SSBP2: variants seen among roughly 807,000 people sequenced by gnomAD.
SSBP2 encodes the protein single stranded DNA binding protein 2, also known as single-stranded DNA-binding protein 2.
In SSBP2, 17 loss-of-function variants were observed where a neutral mutation model predicts 61.8. The ratio of observed to expected loss-of-function variants is 0.28; its 90% CI spans 0.19 to 0.41. The LOEUF (loss-of-function observed/expected upper bound fraction) is 0.41, where lower values mean the gene tolerates loss of function less well. Among genes scored for constraint, SSBP2 ranks in the 10% least tolerant of loss-of-function variants. The pLI is 1.00. For missense variants in SSBP2, 310 were observed against 458.7 expected, an observed-to-expected ratio of 0.68 and a Z score of 2.96; for synonymous variants, 139 against 141.3, an observed-to-expected ratio of 0.98 and a Z score of 0.12.
At chr5:81,501,270 C>CAT (rs1767732456) in intron 5 of SSBP2, among the ~76,000 whole-genome samples, 2 of 37,402 alleles carry the variant, frequency 5.3e-5, no homozygotes, top group Non-Finnish European at 1.0e-4. Flanking sequence ...TATATATATA[C>CAT]ACACACACAC....
At chr5:81,678,586 T>C (rs1752162499) in intron 1 of SSBP2, among the ~76,000 whole-genome samples, 1 of 151,756 alleles carries the variant, frequency 6.6e-6, no homozygotes, top group African/African-American at 2.4e-5. Context: ...ACACCAAGCA[T>C]GATAAAGGAC....
chr5:81,724,856 T>C (rs139337257), intron 1 of SSBP2, among the ~76,000 whole-genome samples: 2 of 152,184 alleles, frequency 1.3e-5, no homozygotes, highest in African/African-American at 4.8e-5. Flanking sequence ...AATAACAAAT[T>C]ATAACAACAT....
At chr5:81,614,709 C>G (rs987649164) in intron 4 of SSBP2, among the ~76,000 whole-genome samples, 1 of 152,154 alleles carries the variant, frequency 6.6e-6, no homozygotes, top group Non-Finnish European at 1.5e-5. Flanking sequence ...TGATTTCCTC[C>G]ATCTTAAACT....
At chr5:81,577,207 GGTA>G (rs1213675709) in intron 4 of SSBP2, among the ~76,000 whole-genome samples, 2 of 151,870 alleles carry the variant, frequency 1.3e-5, no homozygotes, top group Admixed American at 1.3e-4. Context: ...AGAGTTTAAC[GGTA>G]GTATTTTTAT....
chr5:81,439,508 C>T (rs56372498), intron 14 of SSBP2, among the ~76,000 whole-genome samples: 2 of 143,322 alleles, frequency 1.4e-5, no homozygotes, highest in African/African-American at 2.6e-5. Flanking sequence ...TTTTCTTTTT[C>T]TTTTTTTTTT....
chr5:81,713,785 CA>C (rs1001383792), intron 1 of SSBP2, among the ~76,000 whole-genome samples: 4 of 151,864 alleles, frequency 2.6e-5, no homozygotes, highest in African/African-American at 9.7e-5. Context: ...AACAAACAAA[CA>C]AAAAGAGTAA....
chr5:81,657,376 A>AAGG (rs1300839879), intron 1 of SSBP2, among the ~76,000 whole-genome samples: 2 of 152,214 alleles, frequency 1.3e-5, no homozygotes, highest in African/African-American at 2.4e-5. Flanking sequence ...GGGGAAATAT[A>AAGG]TTTTTGCAAA....
chr5:81,645,394 T>G (rs925937608), intron 2 of SSBP2, among the ~76,000 whole-genome samples: 1 of 152,232 alleles, frequency 6.6e-6, no homozygotes, highest in Non-Finnish European at 1.5e-5. Flanking sequence ...CCCTTAGATG[T>G]TTTTAAGCTT....
rs76694979 is a variant in SSBP2, at chr5:81,739,989, T to G, written c.62+10992A>C. 7.0e-3 allele frequency among the ~76,000 whole-genome samples: 1,059 copies of G among 152,288 alleles called. 18 individuals are homozygous for G. The highest frequency in any genetic ancestry group is 0.024 in the African/African-American group (1,011 of 41,548). On this transcript the variant is annotated intron_variant, in intron 1 of 16. Transcript: ENST00000320672. Reference sequence around the variant, plus strand: ...CTTGTCAATGATCACTCTTGTCGATTATACTCCTATCTTACAGAAAAGCAT... The same window carrying G: ...CTTGTCAATGATCACTCTTGTCGATGATACTCCTATCTTACAGAAAAGCAT...
At chr5:81,434,633 CAAA>C (rs34269591) in intron 15 of SSBP2, among the ~76,000 whole-genome samples, 1 of 43,014 alleles carries the variant, frequency 2.3e-5, no homozygotes, top group Admixed American at 3.2e-4. Context: ...ACTCTTGACT[CAAA>C]AAAAAAAAAA....
rs187410093 is a variant in SSBP2, at chr5:81,480,602, T to C, written c.433-6040A>G. Among the ~76,000 whole-genome samples, 6 of 152,322 alleles carry C rather than the reference T, an allele frequency of 3.9e-5. No homozygotes were observed. In the East Asian group the frequency reaches 1.2e-3, roughly 29 times the overall value. On this transcript the variant is annotated intron_variant, in intron 6 of 16. Transcript: ENST00000320672. ...GCAATTTCTTTTAAAGACAAGGTTT[T>C]ATCATATTGCCCAGGCTGGTCTCAA...
chr5:81,685,117 G>A (rs1162591538), intron 1 of SSBP2, among the ~76,000 whole-genome samples: 1 of 152,032 alleles, frequency 6.6e-6, no homozygotes, highest in Non-Finnish European at 1.5e-5. Context: ...TGTGAAGAAG[G>A]TGCTTGCTTC....
intron 4 of SSBP2, among the ~76,000 whole-genome samples, chr5:81,572,937 C>A (rs1773938944): frequency 6.6e-6 from 1 of 152,174 alleles, no homozygotes; most frequent in African/African-American, 2.4e-5. Context: ...GGTATCTGGT[C>A]TGATTCCAAG....
At chr5:81,743,871 G>T (rs1024944483) in intron 1 of SSBP2, among the ~76,000 whole-genome samples, 1 of 152,172 alleles carries the variant, frequency 6.6e-6, no homozygotes, top group Non-Finnish European at 1.5e-5. Flanking sequence ...CATGAGGATG[G>T]CAAAGAAGCC....
chr5:81,594,776 G>T (rs934347587), intron 4 of SSBP2, among the ~76,000 whole-genome samples: 13 of 152,132 alleles, frequency 8.5e-5, no homozygotes, highest in Non-Finnish European at 1.2e-4. Flanking sequence ...CAGAAATAAA[G>T]ATGTTCTTTG....
At chr5:81,525,377 T>C (rs555335194) in intron 4 of SSBP2, among the ~76,000 whole-genome samples, 1 of 152,090 alleles carries the variant, frequency 6.6e-6, no homozygotes, top group African/African-American at 2.4e-5. Flanking sequence ...TGTTCCCCTC[T>C]TTGTGTCCAC....
At chr5:81,526,281 A>G (rs564662728) in intron 4 of SSBP2, among the ~76,000 whole-genome samples, 105 of 152,168 alleles carry the variant, frequency 6.9e-4, no homozygotes, top group African/African-American at 2.4e-3. Context: ...CTAATATAAC[A>G]TATTTCAAAA....
intron 1 of SSBP2, among the ~76,000 whole-genome samples, chr5:81,664,096 C>CT (rs1453329444): frequency 6.7e-6 from 1 of 149,216 alleles, no homozygotes; most frequent in Non-Finnish European, 1.5e-5. Flanking sequence ...TCTGTATGTA[C>CT]TTTTTTAACT....
chr5:81,696,140 C>T (rs567513088), intron 1 of SSBP2, among the ~76,000 whole-genome samples: 66 of 152,264 alleles, frequency 4.3e-4, no homozygotes, highest in Middle Eastern at 3.4e-3. Flanking sequence ...CATGCCACTA[C>T]GGTTAAACAC....
Sources: allele counts gnomAD v4.1 joint callset (sites outside exome capture counted in the v4.1 genomes callset), GRCh38; gene constraint gnomAD v4.1.1; transcripts MANE v1.5; gene names NCBI Gene and HGNC (gene_info 2026-07-23, HGNC 2026-07-21).